The following SOX5 variants were observed in gnomAD, a reference collection of about 807,000 sequenced individuals.
SOX5 encodes transcription factor SOX-5.
Under a neutral mutation model 92.0 loss-of-function variants are expected in SOX5, and 9 were observed. That is an observed-to-expected ratio of 0.10 (90% CI 0.06 to 0.17). The LOEUF is 0.17. Ranked by LOEUF, SOX5 falls within the 10% of genes least tolerant of loss-of-function variation. The pLI is 1.00. For synonymous variants in SOX5, 344 were observed against 336.3 expected (o/e 1.02, Z -0.25); for missense variants, 642 against 944.5 (o/e 0.68, Z 4.20).
At chr12:24,284,610 G>T (rs1434324032) in intron 2 of SOX5, among the ~76,000 whole-genome samples, 2 of 151,918 alleles carry the variant, frequency 1.3e-5, no homozygotes, top group African/African-American at 4.8e-5. Flanking sequence ...GTCTTTCCTG[G>T]CTTCCTGCCT....
At chr12:24,248,022 C>T (rs1939236281) in intron 3 of SOX5, among the ~76,000 whole-genome samples, 1 of 152,144 alleles carries the variant, frequency 6.6e-6, no homozygotes, top group Non-Finnish European at 1.5e-5. Context: ...ACTTCTTATA[C>T]TGTCTCAAAG....
intron 4 of SOX5, among the ~76,000 whole-genome samples, chr12:24,053,489 C>T (rs1394839261): frequency 6.6e-6 from 1 of 152,142 alleles, no homozygotes; most frequent in Non-Finnish European, 1.5e-5. Context: ...AATTCAAAAA[C>T]TCAAACCTAG....
chr12:23,684,666 AG>A (rs2087207452), intron 6 of SOX5, among the ~76,000 whole-genome samples: 1 of 152,108 alleles, frequency 6.6e-6, no homozygotes, highest in African/African-American at 2.4e-5. Context: ...CCTGATACAA[AG>A]AACTGCAAAT....
intron 1 of SOX5, chr12:23,920,001 C>CAGG (rs1027554283): frequency 6.6e-6 from 1 of 152,004 alleles, no homozygotes; most frequent in Non-Finnish European, 1.5e-5. Context: ...ATCCTGTAAA[C>CAGG]AGGATTAGTA....
At chr12:23,927,676 T>C (rs1224612975) in intron 1 of SOX5, among the ~76,000 whole-genome samples, 1 of 152,034 alleles carries the variant, frequency 6.6e-6, no homozygotes, top group Non-Finnish European at 1.5e-5. Context: ...ATTTTTTTTT[T>C]CTAAAAAAGA....
At chr12:24,052,961 C>T (rs1957705292) in intron 4 of SOX5, among the ~76,000 whole-genome samples, 1 of 152,178 alleles carries the variant, frequency 6.6e-6, no homozygotes, top group Non-Finnish European at 1.5e-5. Flanking sequence ...CAACTTAGAT[C>T]ATCTTTCCCC....
intron 4 of SOX5, among the ~76,000 whole-genome samples, chr12:23,956,908 C>A (rs568203624): frequency 2.0e-5 from 3 of 152,244 alleles, no homozygotes; most frequent in East Asian, 3.9e-4. Flanking sequence ...AGGTGATCTG[C>A]CCAGCTTGGC....
chr12:23,938,788 A>G lies in SOX5; in HGVS notation c.38+10776T>C, dbSNP rs537080538. 7.9e-5 allele frequency among the ~76,000 whole-genome samples: 12 copies of G among 151,196 alleles called. No homozygotes were observed. In the South Asian group the frequency reaches 2.3e-3, roughly 29 times the overall value. ...ACAGTTGCATTGCTGCTATTTAAGT[A>G]CACGTTACCTGGGATCAATAATCAT... On this transcript the variant is annotated intron_variant, in intron 1 of 14. Transcript: ENST00000451604.
intron 3 of SOX5, among the ~76,000 whole-genome samples, chr12:24,245,492 A>T (rs1276277203): frequency 6.6e-6 from 1 of 152,224 alleles, no homozygotes. Flanking sequence ...AACTAATTTG[A>T]TCTGCCTATA....
intron 11 of SOX5, 53 bp downstream of exon 11, chr12:23,563,205 A>G (rs1456818897): frequency 5.0e-6 from 7 of 1,391,094 alleles, no homozygotes; most frequent in Non-Finnish European, 6.0e-6. Flanking sequence ...TTAAAAAAGC[A>G]TTAGGCAATT....
chr12:23,714,783 G>A (rs1459940380), intron 6 of SOX5, among the ~76,000 whole-genome samples: 1 of 152,128 alleles, frequency 6.6e-6, no homozygotes, highest in East Asian at 1.9e-4. Flanking sequence ...ACAAATACTT[G>A]CTTTTCAAAT....
intron 1 of SOX5, among the ~76,000 whole-genome samples, chr12:24,412,974 C>G (rs949123805): frequency 1.3e-5 from 2 of 152,042 alleles, no homozygotes; most frequent in African/African-American, 4.8e-5. Context: ...CCAGGATGGT[C>G]TCGATCTCCT....
chr12:23,588,741 ACACACACACAT>A, intron 9 of SOX5, among the ~76,000 whole-genome samples: 2 of 151,962 alleles, frequency 1.3e-5, no homozygotes, highest in East Asian at 3.9e-4. Context: ...ACACACACAC[ACACACACACAT>A]ATGTACACAT....
rs117242125 is a variant in SOX5, at chr12:24,207,676, T to C, written c.-2+5667A>G. Among the ~76,000 whole-genome samples, 400 of 152,324 alleles carry C rather than the reference T, an allele frequency of 2.6e-3. 2 individuals are homozygous for C. The highest frequency in any genetic ancestry group is 4.8e-3 in the Non-Finnish European group (325 of 68,030). ...CATATAGTTTGTAAAGCAGCAAAGC[T>C]ACAACTCAAACTTGAGAGTTTCTTC... On this transcript the variant is annotated intron_variant, in intron 4 of 4. Transcript: ENST00000446891.
intron 12 of SOX5, among the ~76,000 whole-genome samples, chr12:23,545,815 T>A (rs879632995): frequency 6.6e-6 from 1 of 151,472 alleles, no homozygotes; most frequent in African/African-American, 2.4e-5. Flanking sequence ...GGTGGGAGGA[T>A]CACTTGAGCC....
intron 1 of SOX5, among the ~76,000 whole-genome samples, chr12:23,913,445 A>G (rs1313975912): frequency 6.6e-6 from 1 of 152,092 alleles, no homozygotes; most frequent in East Asian, 1.9e-4. Context: ...TCTAAAACAA[A>G]GCACTGAATA....
chr12:23,962,220 C>CA (rs35121622), intron 4 of SOX5, among the ~76,000 whole-genome samples: 77 of 133,760 alleles, frequency 5.8e-4, no homozygotes, highest in Admixed American at 2.1e-3. Context: ...GTTAAACAAA[C>CA]AACAAAAAAG....
intron 4 of SOX5, among the ~76,000 whole-genome samples, chr12:24,058,329 T>C (rs1022948191): frequency 2.0e-5 from 3 of 152,218 alleles, no homozygotes; most frequent in Non-Finnish European, 4.4e-5. Context: ...AAAAATTCTC[T>C]TTCACACAAT....
rs537174761 is a variant in SOX5 at position 24,102,394 on chromosome 12, G to A, written c.-2+110949C>T. On this transcript the variant is annotated intron_variant, in intron 4 of 4. Transcript: ENST00000446891. ...ACATAATTTCCAATGACCTTCAGCC[G>A]ACAGCAGCATGAGTAGAATAAGTAT... Among the ~76,000 whole-genome samples, 7 of 152,244 alleles carry A rather than the reference G, an allele frequency of 4.6e-5. No homozygotes were observed. The South Asian group carries it at 8.3e-4, about 18-fold the overall frequency.
Sources: allele counts gnomAD v4.1 joint callset (sites outside exome capture counted in the v4.1 genomes callset), GRCh38; gene constraint gnomAD v4.1.1; transcripts MANE v1.5; gene names NCBI Gene and HGNC (gene_info 2026-07-23, HGNC 2026-07-21).